RILPL1: variants seen among roughly 807,000 people sequenced by gnomAD.
RILPL1 encodes the protein RILP-like protein 1.
A neutral mutation model predicts 50.3 loss-of-function variants in RILPL1; 33 were observed. The observed-to-expected ratio is 0.66, with a 90% CI of 0.50 to 0.88. The LOEUF is 0.88. RILPL1 is among the 40% of genes least tolerant of loss of function. The probability of loss-of-function intolerance (pLI) is 0.00; values close to 1 mark genes in which losing one functional copy is unlikely to be tolerated. For synonymous variants in RILPL1, 205 were observed against 228.6 expected, an observed-to-expected ratio of 0.90 and a Z score of 0.93; for missense variants, 418 against 542.5, an observed-to-expected ratio of 0.77 and a Z score of 2.28.
At chr12:123,488,619 C>T (rs1025719846) in intron 4 of RILPL1, among the ~76,000 whole-genome samples, 13 of 152,134 alleles carry the variant, frequency 8.5e-5, no homozygotes, top group African/African-American at 3.1e-4. Flanking sequence ...TGGGAAAGGA[C>T]GTGTGAAAGG....
intron 6 of RILPL1, among the ~76,000 whole-genome samples, chr12:123,481,681 C>G (rs1465660265): frequency 6.6e-6 from 1 of 151,112 alleles, no homozygotes; most frequent in African/African-American, 2.4e-5. Context: ...CTCAGCCTCC[C>G]AAGTAGCTGG....
In RILPL1 at chr12:123,498,395, A is replaced by G. The variant is rs1477053329; in HGVS notation, c.801+149T>C. The G allele has an allele frequency of 3.0e-6, 2 of 677,272 alleles. No individual in the cohort carries two copies. Among genetic ancestry groups the G allele is most frequent in the African/African-American group, 3.6e-5 (2 of 55,496 alleles). The allele number at this position is 677,272 out of a possible 1,614,324, so 42.0% of individuals were successfully genotyped here. ...CCACCACGCGTGGCTAATTAAAAAA[A>G]ATGTTTGTAGAGAATTGGGGTCTTG... is the stretch of plus-strand genomic sequence containing the variant. On this transcript the variant is annotated intron_variant, in intron 4 of 6. Transcript: ENST00000376874. The surrounding 1 kb of genome is among the most constrained non-coding windows in gnomAD (Gnocchi z 4.3).
At chr12:123,486,149 C>A (rs748859269) in intron 4 of RILPL1, among the ~76,000 whole-genome samples, 20 of 152,214 alleles carry the variant, frequency 1.3e-4, no homozygotes, top group African/African-American at 4.6e-4. Flanking sequence ...CTGCTTCCCC[C>A]TTTCCAGGCC....
At chr12:123,505,706 T>A (rs1003029159) in intron 2 of RILPL1, among the ~76,000 whole-genome samples, 3 of 152,182 alleles carry the variant, frequency 2.0e-5, no homozygotes, top group Non-Finnish European at 4.4e-5. Flanking sequence ...CACTGCAACC[T>A]CTGCCTCCTG....
In RILPL1 at chr12:123,533,129, C is replaced by A; in HGVS notation, c.309+45G>T. The A allele has an allele frequency of 6.7e-7, 1 of 1,484,010 alleles. No individual in the cohort carries two copies. The highest frequency in any genetic ancestry group is 1.3e-5 in the South Asian group (1 of 76,278). 91.9% of individuals were successfully genotyped at this position (1,484,010 alleles called of 1,614,324 possible). A position where few individuals can be genotyped will look rare whatever the true frequency, so the allele number is the denominator to read the frequency against. On this transcript the variant is annotated intron_variant, in intron 1 of 6. Coordinates refer to ENST00000376874, the MANE Select transcript of RILPL1 (RefSeq NM_178314.5). The surrounding 1 kb of genome is among the most constrained non-coding windows in gnomAD (Gnocchi z 6.2). ...CCAATGCGGAAGAGCCCTTGGGTCC[C>A]CGCGGTCCCACTGCCCGGACGGACA...
intron 2 of RILPL1, among the ~76,000 whole-genome samples, chr12:123,521,102 T>C (rs1593601847): frequency 6.6e-6 from 1 of 152,276 alleles, no homozygotes; most frequent in East Asian, 1.9e-4. Flanking sequence ...AATCAGTAGG[T>C]TGGACTGGAT....
At chr12:123,516,870 G>A (rs1197634269) in intron 2 of RILPL1, among the ~76,000 whole-genome samples, 4 of 152,032 alleles carry the variant, frequency 2.6e-5, no homozygotes, top group Non-Finnish European at 5.9e-5. Context: ...AGACTAGCCT[G>A]GGCAACATGG....
In RILPL1 at chr12:123,528,528, T is replaced by C. The variant is rs184771500; in HGVS notation, c.309+4646A>G. Among the ~76,000 whole-genome samples, 666 of 151,162 alleles carry C rather than the reference T, an allele frequency of 4.4e-3. 2 individuals carry two copies. The highest frequency in any genetic ancestry group is 0.01 in the South Asian group (49 of 4,734). On this transcript the variant is annotated intron_variant, in intron 1 of 6. Transcript: ENST00000376874. ...CTGCAAGCTCCGCCTCCCGGGTTCA[T>C]GCCATTCTCCTGCCTCAGCCTCCGA...
chr12:123,513,326 T>C (rs998188334), intron 2 of RILPL1: 1 of 380,836 alleles, frequency 2.6e-6, no homozygotes, highest in Non-Finnish European at 5.4e-6. Context: ...TGTCCCGACA[T>C]GCCCTGTCCT....
In RILPL1 at chr12:123,498,786, T is replaced by C. The variant is rs1266790130; in HGVS notation, c.580-21A>G. ...TGTAACTGTAGAAAAAGGGAGACCATTGTGCGGGGCTGCCACCTGCGGTAG... is the reference window on the plus strand; with the variant it reads ...TGTAACTGTAGAAAAAGGGAGACCACTGTGCGGGGCTGCCACCTGCGGTAG... On this transcript the variant is annotated intron_variant, in intron 3 of 6. Coordinates refer to ENST00000376874, the MANE Select transcript of RILPL1 (RefSeq NM_178314.5). The surrounding 1 kb of genome is among the most constrained non-coding windows in gnomAD (Gnocchi z 4.3). The C allele has an allele frequency of 3.1e-6, 5 of 1,608,194 alleles. No individual in the cohort carries two copies. The highest frequency in any genetic ancestry group is 2.2e-5 in the South Asian group (2 of 91,064).
chr12:123,527,239 G>A (rs1033728001), intron 1 of RILPL1, among the ~76,000 whole-genome samples: 2 of 152,108 alleles, frequency 1.3e-5, no homozygotes, highest in Non-Finnish European at 2.9e-5. Flanking sequence ...GCTGAGGTGG[G>A]AGGATCACTT....
chr12:123,495,457 C>T (rs1882965757), intron 4 of RILPL1, among the ~76,000 whole-genome samples: 1 of 150,428 alleles, frequency 6.6e-6, no homozygotes, highest in Non-Finnish European at 1.5e-5. Flanking sequence ...TCACTGCAAG[C>T]TTCGCCTCCT....
chr12:123,499,390 G>T, intron 3 of RILPL1, 28 bp downstream of exon 3: 1 of 1,522,596 alleles, frequency 6.6e-7, no homozygotes, highest in Non-Finnish European at 9.1e-7. Context: ...CTGGGAGGGT[G>T]GACGCAGGTC....
chr12:123,533,252 C>T lies in RILPL1; in HGVS notation c.231G>A (p.Leu77=), dbSNP rs950870783. 2.5e-6 allele frequency: 4 copies of T among 1,593,052 alleles called. No individual in the cohort carries two copies. The African/African-American group carries it at 5.4e-5, about 21-fold the overall frequency. The change falls in exon 1 of 7, where the codon CTG becomes CTA. Residue 77 remains leucine (L), a synonymous_variant. Coordinates refer to ENST00000376874, the MANE Select transcript of RILPL1 (RefSeq NM_178314.5). This position sits in a 1 kb window ranked among gnomAD's most constrained non-coding sequence, Gnocchi z 6.2. ...LVSRHHVAPE[L]DELRLELDRL... is the part of the protein sequence containing the mutation. ...GGTCCAGCTCCAGGCGCAGCTCGTC[C>T]AGCTCGGGCGCGACGTGGTGGCGGC...
At chr12:123,519,233 C>G (rs1174114764) in intron 2 of RILPL1, among the ~76,000 whole-genome samples, 2 of 152,106 alleles carry the variant, frequency 1.3e-5, no homozygotes, top group South Asian at 2.1e-4. Flanking sequence ...CTAAGCTGTT[C>G]CTTTAGAGCC....
intron 6 of RILPL1, among the ~76,000 whole-genome samples, chr12:123,480,667 G>A (rs560273225): frequency 1.3e-5 from 2 of 151,746 alleles, no homozygotes; most frequent in East Asian, 1.9e-4. Flanking sequence ...TGGGGCTGGC[G>A]AGTGAGTTGG....
chr12:123,490,681 T>C (rs1403216302), intron 4 of RILPL1, among the ~76,000 whole-genome samples: 1 of 151,920 alleles, frequency 6.6e-6, no homozygotes, highest in Non-Finnish European at 1.5e-5. Flanking sequence ...TAAACAATCC[T>C]CCTGGCTCAG....
intron 6 of RILPL1, chr12:123,476,006 C>T (rs886758575): frequency 6.4e-5 from 25 of 392,602 alleles, no homozygotes; most frequent in African/African-American, 4.5e-4. Flanking sequence ...CGGGTTCAAG[C>T]GATTCTCCTG....
intron 6 of RILPL1, among the ~76,000 whole-genome samples, chr12:123,478,741 C>T (rs1014794314): frequency 3.9e-5 from 6 of 152,150 alleles, no homozygotes; most frequent in Non-Finnish European, 8.8e-5. Context: ...CTTCTTATCT[C>T]CTGATCAGCC....
Sources: gnomAD v4.1 joint callset for allele counts (sites outside exome capture counted in the v4.1 genomes callset) on GRCh38, gnomAD v4.1.1 for gene constraint, Gnocchi (gnomAD v3.1) non-coding constraint, MANE v1.5 for transcripts, NCBI Gene and HGNC (gene_info 2026-07-23, HGNC 2026-07-21) for gene names.